The following HAS3 variants were observed in gnomAD, a reference collection of about 807,000 sequenced individuals.
The protein encoded by HAS3 is HA synthase 3.
HAS3 carries 27 observed loss-of-function variants against 50.3 expected under a neutral mutation model. That is an observed-to-expected ratio of 0.54 (90% CI 0.40 to 0.74). The LOEUF (loss-of-function observed/expected upper bound fraction) is 0.74, where lower values mean the gene tolerates loss of function less well. Ranked by LOEUF, HAS3 falls within the 30% of genes least tolerant of loss-of-function variation. The pLI is 0.00. For missense variants in HAS3, 517 were observed against 742.8 expected (o/e 0.70, Z 3.53); for synonymous variants, 339 against 310.9 (o/e 1.09, Z -0.95).
In HAS3 at chr16:69,116,832, A is replaced by T. The variant is rs139315121; in HGVS notation, c.*1566A>T. The T allele has an allele frequency of 1.3e-5, 13 of 985,360 alleles. No individual in the cohort carries two copies. In the African/African-American group the frequency reaches 2.1e-4, roughly 16 times the overall value. 61.0% of individuals were successfully genotyped at this position (985,360 alleles called of 1,614,324 possible). On this transcript the variant is annotated 3_prime_UTR_variant, in exon 4 of 4. Coordinates refer to ENST00000569188, the MANE Select transcript of HAS3 (RefSeq NM_001199280.2). Reference sequence around the variant, plus strand: ...TTAAGGGTTGCTTGCTTGCCCTCCAAATGTCCTTTCTCAGAGGGGCCAGCT... The same window carrying T: ...TTAAGGGTTGCTTGCTTGCCCTCCATATGTCCTTTCTCAGAGGGGCCAGCT...
chr16:69,101,657 C>T (rs1283154767), upstream of HAS3, among the ~76,000 whole-genome samples: 1 of 152,188 alleles, frequency 6.6e-6, no homozygotes, highest in Non-Finnish European at 1.5e-5. Flanking sequence ...CATAGCAGCT[C>T]AGGTTCCCCA....
Position 69,114,815 on chromosome 16 carries a change from G to A in HAS3, c.1211G>A (p.Gly404Asp). Residue 404 changes from glycine to aspartate, a missense_variant, in exon 4 of 4, where the codon GGC becomes GAC. Gly to Asp is a moderately conservative substitution (Grantham distance 94). Coordinates refer to ENST00000569188, the MANE Select transcript of HAS3 (RefSeq NM_001199280.2). The surrounding 1 kb of genome is among the most constrained non-coding windows in gnomAD (Gnocchi z 6.4). ...IATVIQLFYRGRIWNILLFLL... is the reference protein window; with the variant it reads ...IATVIQLFYRDRIWNILLFLL... ...ACGGTTATACAGCTTTTCTACCGGG[G>A]CCGCATCTGGAACATTCTCCTCTTC... 6.2e-7 allele frequency: 1 copy of A among 1,614,064 alleles called. No homozygotes were observed. Among genetic ancestry groups the A allele is most frequent in the Non-Finnish European group, 8.5e-7 (1 of 1,180,016 alleles).
At position 69,107,488 on chromosome 16, in the gene HAS3, C is replaced by G; in HGVS notation, c.-1+1701C>G. ...TGGGAAAGCGGCACGTGGGTGTGGC[C>G]GGCGCCGCCTTTGCCAAGAGGCGAG... On this transcript the variant is annotated intron_variant, in intron 1 of 3. Transcript: ENST00000569188. The surrounding 1 kb of genome is among the most constrained non-coding windows in gnomAD (Gnocchi z 5.5). 1.0e-6 allele frequency: 1 copy of G among 985,622 alleles called. No individual in the cohort carries two copies. Among genetic ancestry groups the G allele is most frequent in the Non-Finnish European group, 1.2e-6 (1 of 830,064 alleles). 61.1% of individuals were successfully genotyped at this position (985,622 alleles called of 1,614,324 possible).
At chr16:69,098,306 G>A in the HAS3 span, among the ~76,000 whole-genome samples, 4 of 151,960 alleles carry the variant, frequency 2.6e-5, no homozygotes, top group African/African-American at 9.7e-5. Context: ...GGGAGGCAGA[G>A]TTTGCAGTGA....
chr16:69,114,780 C>T lies in HAS3; in HGVS notation c.1176C>T (p.Phe392=), dbSNP rs776814992. ...TGGTCACGGGTTTCTTCCCCTTCTT[C>T]CTCATTGCCACGGTTATACAGCTTT... ...ESVVTGFFPF[F]LIATVIQLFY... Residue 392 remains phenylalanine (F), a synonymous_variant, in exon 4 of 4, where the codon TTC becomes TTT. Coordinates refer to ENST00000569188, the MANE Select transcript of HAS3 (RefSeq NM_001199280.2). The surrounding 1 kb of genome is among the most constrained non-coding windows in gnomAD (Gnocchi z 6.4). 1 of 1,614,156 alleles carries T rather than the reference C, an allele frequency of 6.2e-7. No homozygotes were observed. The highest frequency in any genetic ancestry group is 8.5e-7 in the Non-Finnish European group (1 of 1,180,028).
In HAS3 at chr16:69,107,767, G is replaced by A. The variant is rs997657017; in HGVS notation, c.1-1629G>A. Reference sequence around the variant, plus strand: ...GCCTGGGGACTCCTGGGCCGCAGGCGCGAGCAGTAGGGTGGCAACAGGGAG... The same window carrying A: ...GCCTGGGGACTCCTGGGCCGCAGGCACGAGCAGTAGGGTGGCAACAGGGAG... On this transcript the variant is annotated intron_variant, in intron 1 of 3. Coordinates refer to ENST00000569188, the MANE Select transcript of HAS3 (RefSeq NM_001199280.2). This position sits in a 1 kb window ranked among gnomAD's most constrained non-coding sequence, Gnocchi z 5.5. 6 of 909,156 alleles carry A rather than the reference G, an allele frequency of 6.6e-6. No individual in the cohort carries two copies. In the African/African-American group the frequency reaches 9.0e-5, roughly 14 times the overall value. 56.3% of individuals were successfully genotyped at this position (909,156 alleles called of 1,614,324 possible).
At chr16:69,087,956 G>A in the HAS3 span, among the ~76,000 whole-genome samples, 2 of 151,548 alleles carry the variant, frequency 1.3e-5, no homozygotes, top group Non-Finnish European at 2.9e-5. Flanking sequence ...TGCCCGCCTC[G>A]GCCTCCCAAA....
At chr16:69,091,867 G>A in the HAS3 span, among the ~76,000 whole-genome samples, 3 of 152,126 alleles carry the variant, frequency 2.0e-5, no homozygotes, top group Admixed American at 2.0e-4. Flanking sequence ...ATGGGGTTTG[G>A]AATGGCCCTA....
the HAS3 span, chr16:69,083,834 G>A: frequency 4.8e-6 from 3 of 629,902 alleles, no homozygotes; most frequent in Non-Finnish European, 8.1e-6. Context: ...GAGGGCATGT[G>A]TTCAGCACTC....
chr16:69,100,164 T>C, the HAS3 span, among the ~76,000 whole-genome samples: 2 of 152,156 alleles, frequency 1.3e-5, no homozygotes, highest in Non-Finnish European at 2.9e-5. Context: ...CACCTGGAAA[T>C]GGTCCTGATT....
At chr16:69,113,576 G>C (rs1961080159) in intron 3 of HAS3, 34 bp downstream of exon 3, 2 of 1,271,092 alleles carry the variant, frequency 1.6e-6, no homozygotes, top group Non-Finnish European at 2.3e-6. Flanking sequence ...GTGGGGAGGG[G>C]TCTGGACTCT....
rs780206767 is a variant in HAS3 at position 69,107,687 on chromosome 16, C to T, written c.1-1709C>T. 4 of 985,454 alleles carry T rather than the reference C, an allele frequency of 4.1e-6. No homozygotes were observed. Among genetic ancestry groups the T allele is most frequent in the Non-Finnish European group, 4.8e-6 (4 of 830,038 alleles). The allele number at this position is 985,454 out of a possible 1,614,324, so 61.0% of individuals were successfully genotyped here. Reference sequence around the variant, plus strand: ...CAGGCAGGGGGGTCCCGCCGCGCCCCTTCAGCATGTAAGCTCCGGAGGGGA... The same window carrying T: ...CAGGCAGGGGGGTCCCGCCGCGCCCTTTCAGCATGTAAGCTCCGGAGGGGA... On this transcript the variant is annotated intron_variant, in intron 1 of 3. Transcript: ENST00000569188. This position sits in a 1 kb window ranked among gnomAD's most constrained non-coding sequence, Gnocchi z 5.5.
the HAS3 span, among the ~76,000 whole-genome samples, chr16:69,088,267 A>G: frequency 6.6e-6 from 1 of 152,032 alleles, no homozygotes; most frequent in African/African-American, 2.4e-5. Flanking sequence ...AAGATAAACA[A>G]TGTCAAGTGG....
chr16:69,110,120 A>G, intron 2 of HAS3, 89 bp downstream of exon 2: 1 of 1,344,068 alleles, frequency 7.4e-7, no homozygotes. Flanking sequence ...GGTCTGGTCT[A>G]GGTCCCTTGG....
chr16:69,104,814 T>G (rs1401335012), upstream of HAS3, among the ~76,000 whole-genome samples: 1 of 151,770 alleles, frequency 6.6e-6, no homozygotes, highest in African/African-American at 2.4e-5. Flanking sequence ...GACTGAGGTG[T>G]GAGGTCTGTG....
chr16:69,110,012 A>T lies in HAS3; in HGVS notation c.617A>T (p.Asp206Val), dbSNP rs1567579813. The T allele has an allele frequency of 6.2e-7, 1 of 1,607,458 alleles. No individual in the cohort carries two copies. The highest frequency in any genetic ancestry group is 1.3e-5 in the African/African-American group (1 of 74,946). ...TACACGGCCTTCAAGGCCCTCGGCG[A>T]TTCGGTGGACTACATCCAGGTAAGG... ...VMYTAFKALG[D>V]SVDYIQVCDS... Residue 206 changes from aspartate to valine, a missense_variant, in exon 2 of 4, where the codon GAT (aspartate) becomes GTT (valine). Asp to Val is a radical substitution (Grantham distance 152, BLOSUM62 -3). Coordinates refer to ENST00000569188, the MANE Select transcript of HAS3 (RefSeq NM_001199280.2).
At chr16:69,099,117 AATAAAAAATT>A in the HAS3 span, among the ~76,000 whole-genome samples, 3 of 149,432 alleles carry the variant, frequency 2.0e-5, no homozygotes, top group Non-Finnish European at 3.0e-5. Context: ...AATACAGGCT[AATAAAAAATT>A]AGCCCAGCTA....
downstream of HAS3, chr16:69,118,305 G>A (rs745593358): frequency 5.2e-6 from 6 of 1,162,764 alleles, no homozygotes; most frequent in South Asian, 2.4e-5. Flanking sequence ...AACTGCATTC[G>A]GTGGGTCTTT....
the HAS3 span, among the ~76,000 whole-genome samples, chr16:69,094,833 C>T: frequency 1.0e-3 from 159 of 152,244 alleles, 1 homozygote; most frequent in African/African-American, 3.6e-3. Flanking sequence ...CCAGGTGTAT[C>T]GGAGAGACCT....
Sources: allele counts gnomAD v4.1 joint callset (sites outside exome capture counted in the v4.1 genomes callset), GRCh38; gene constraint gnomAD v4.1.1; non-coding constraint Gnocchi (gnomAD v3.1); transcripts MANE v1.5; gene names NCBI Gene and HGNC (gene_info 2026-07-23, HGNC 2026-07-21).